COMMD1: variants seen among roughly 807,000 people sequenced by gnomAD.
The protein encoded by COMMD1 is COMM domain-containing protein 1.
In COMMD1, 10 loss-of-function variants were observed where a neutral mutation model predicts 17.2. That is an observed-to-expected ratio of 0.58 (90% CI 0.36 to 0.99). The LOEUF is 0.99. Ranked by LOEUF, COMMD1 falls within the 50% of genes least tolerant of loss-of-function variation. COMMD1 has a pLI of 0.01. For synonymous variants in COMMD1, 97 were observed against 91.6 expected (o/e 1.06, Z -0.34); for missense variants, 270 against 231.8 (o/e 1.17, Z -1.07).
chr2:62,133,542 C>A (rs1279236121), intron 2 of COMMD1, among the ~76,000 whole-genome samples: 10 of 147,378 alleles, frequency 6.8e-5, no homozygotes, highest in Non-Finnish European at 5.9e-5. Context: ...TGCACACAAG[C>A]TTAACAGAAA....
intron 1 of COMMD1, among the ~76,000 whole-genome samples, chr2:61,926,265 C>T (rs1294830152): frequency 1.3e-5 from 2 of 152,164 alleles, no homozygotes; most frequent in Non-Finnish European, 2.9e-5. Flanking sequence ...GCCACTGCGT[C>T]TGGCGAGTTA....
rs111886449 is a variant in COMMD1, at chr2:62,062,435, C to T, written c.462+61453C>T. On this transcript the variant is annotated intron_variant, in intron 2 of 2. Coordinates refer to ENST00000311832, the MANE Select transcript of COMMD1 (RefSeq NM_152516.4). ...TAGAGACGGGGTTTCACCATGTTGG[C>T]CAGGCTGGTCGCCAACTCCTTTCCT... 7.3e-3 allele frequency among the ~76,000 whole-genome samples: 1,105 copies of T among 151,900 alleles called. 15 individuals are homozygous for T. The highest frequency in any genetic ancestry group is 0.025 in the African/African-American group (1,021 of 41,426).
At chr2:61,948,522 A>G (rs1670970831) in intron 1 of COMMD1, among the ~76,000 whole-genome samples, 2 of 152,208 alleles carry the variant, frequency 1.3e-5, no homozygotes, top group Non-Finnish European at 2.9e-5. Flanking sequence ...ACACATATAC[A>G]GACAAAAGCA....
chr2:61,905,698 AG>A lies in COMMD1; in HGVS notation c.23del (p.Gly8ValfsTer5). MAAGEL[E>X]GGKPLSGLLN... Reference sequence around the variant, plus strand: ...CAGAGCATGGCGGCGGGCGAGCTTGAGGGTGGCAAACCCCTGAGCGGGCTGC... The same window carrying A: ...CAGAGCATGGCGGCGGGCGAGCTTGAGGTGGCAAACCCCTGAGCGGGCTGC... On this transcript the variant is annotated frameshift_variant, in exon 1 of 3. Transcript: ENST00000311832. LOFTEE classifies it high-confidence loss of function. 1 of 1,580,792 alleles carries A rather than the reference AG, an allele frequency of 6.3e-7. No individual in the cohort carries two copies. The highest frequency in any genetic ancestry group is 8.6e-7 in the Non-Finnish European group (1 of 1,161,530).
intron 2 of COMMD1, among the ~76,000 whole-genome samples, chr2:62,030,804 C>T (rs1203267872): frequency 3.3e-5 from 5 of 151,706 alleles, no homozygotes; most frequent in Non-Finnish European, 7.4e-5. Flanking sequence ...AGTTATTTTA[C>T]CATTTATTTT....
At chr2:62,015,019 G>A (rs1335012388) in intron 2 of COMMD1, among the ~76,000 whole-genome samples, 1 of 152,068 alleles carries the variant, frequency 6.6e-6, no homozygotes, top group Non-Finnish European at 1.5e-5. Flanking sequence ...CAAGTCCTGG[G>A]CTCAAGCAGT....
At chr2:61,888,564 GC>G, upstream of COMMD1, 1 of 1,579,452 alleles carries the variant, frequency 6.3e-7, no homozygotes, top group South Asian at 1.1e-5. Context: ...CCGGATTCTG[GC>G]CGGCCGCAGT....
chr2:62,128,526 A>T (rs773892624), intron 2 of COMMD1, among the ~76,000 whole-genome samples: 3 of 152,168 alleles, frequency 2.0e-5, no homozygotes, highest in Non-Finnish European at 2.9e-5. Flanking sequence ...ATTAAAGAGC[A>T]AATTCTTAAT....
chr2:62,050,185 C>A (rs1478741161), intron 2 of COMMD1, among the ~76,000 whole-genome samples: 2 of 152,058 alleles, frequency 1.3e-5, no homozygotes, highest in Admixed American at 1.3e-4. Context: ...GTGGCAAGTC[C>A]AGATGAAGCA....
At chr2:62,086,325 C>T (rs1573166074) in intron 2 of COMMD1, among the ~76,000 whole-genome samples, 1 of 152,014 alleles carries the variant, frequency 6.6e-6, no homozygotes, top group Non-Finnish European at 1.5e-5. Flanking sequence ...CTGGCTAACA[C>T]GGTGAAACCC....
intron 1 of COMMD1, among the ~76,000 whole-genome samples, chr2:61,916,317 T>C (rs1423236834): frequency 2.0e-5 from 3 of 152,146 alleles, no homozygotes; most frequent in Non-Finnish European, 4.4e-5. Flanking sequence ...TTTCCAAGAG[T>C]TATCTTCTCT....
At chr2:62,103,271 C>T (rs543263926) in intron 2 of COMMD1, among the ~76,000 whole-genome samples, 41 of 152,278 alleles carry the variant, frequency 2.7e-4, no homozygotes, top group East Asian at 1.9e-4. Context: ...CCACTGCGCC[C>T]GGCCTCCAAT....
At chr2:62,030,389 C>T (rs1441850621) in intron 2 of COMMD1, among the ~76,000 whole-genome samples, 1 of 152,160 alleles carries the variant, frequency 6.6e-6, no homozygotes, top group Non-Finnish European at 1.5e-5. Flanking sequence ...AAAAACTTAG[C>T]TTCTGCGGCT....
chr2:62,071,148 G>A (rs1342931760), intron 2 of COMMD1, among the ~76,000 whole-genome samples: 4 of 152,192 alleles, frequency 2.6e-5, no homozygotes, highest in African/African-American at 4.8e-5. Flanking sequence ...TGGATTATTC[G>A]TGAGTTTTCC....
At chr2:61,965,644 G>C (rs549165347) in intron 1 of COMMD1, among the ~76,000 whole-genome samples, 14 of 152,290 alleles carry the variant, frequency 9.2e-5, no homozygotes, top group African/African-American at 3.1e-4. Context: ...TAGGGATAAA[G>C]GTTTACAAAT....
rs570097850 is a variant in COMMD1 at position 62,045,504 on chromosome 2, G to A, written c.462+44522G>A. Among the ~76,000 whole-genome samples the A allele has an allele frequency of 3.9e-4, 59 of 151,510 alleles. No homozygotes were observed. The Middle Eastern group carries it at 0.01, about 27-fold the overall frequency. On this transcript the variant is annotated intron_variant, in intron 2 of 2. Transcript: ENST00000311832. ...TACAAAGGCGGTTTTTGGTCCCTGA[G>A]CAAGGTGGGGATTCGTTTTAGAGAG...
At chr2:62,129,904 CGT>C (rs1436929290) in intron 2 of COMMD1, among the ~76,000 whole-genome samples, 6 of 152,088 alleles carry the variant, frequency 3.9e-5, no homozygotes, top group Non-Finnish European at 7.4e-5. Flanking sequence ...AGCCGGGCGC[CGT>C]GGCTTACGCC....
chr2:62,056,422 G>A (rs939378875), intron 2 of COMMD1, among the ~76,000 whole-genome samples: 22 of 152,180 alleles, frequency 1.4e-4, no homozygotes, highest in African/African-American at 5.1e-4. Context: ...TAGAAAAACA[G>A]TCACCACTGG....
intron 1 of COMMD1, among the ~76,000 whole-genome samples, chr2:61,924,373 T>G (rs1670271794): frequency 1.1e-5 from 1 of 87,314 alleles, no homozygotes; most frequent in Non-Finnish European, 2.2e-5. Flanking sequence ...GGACTCAGAG[T>G]CGGAGGGGGG....
Sources: gnomAD v4.1 joint callset for allele counts (sites outside exome capture counted in the v4.1 genomes callset) on GRCh38, gnomAD v4.1.1 for gene constraint, MANE v1.5 for transcripts, NCBI Gene and HGNC (gene_info 2026-07-23, HGNC 2026-07-21) for gene names.